The following FBLN2 variants were observed in gnomAD, a reference collection of about 807,000 sequenced individuals.
FBLN2 encodes fibulin 2, also known as fibulin-2.
Under a neutral mutation model 123.7 loss-of-function variants are expected in FBLN2, and 81 were observed. The ratio of observed to expected loss-of-function variants is 0.65; its 90% CI spans 0.55 to 0.79. The LOEUF (loss-of-function observed/expected upper bound fraction) is 0.79, where lower values mean the gene tolerates loss of function less well. FBLN2 is among the 30% of genes least tolerant of loss of function. The probability of loss-of-function intolerance (pLI) is 0.00; values close to 1 mark genes in which losing one functional copy is unlikely to be tolerated. For synonymous variants in FBLN2, 699 were observed against 701.4 expected, an observed-to-expected ratio of 1.00 and a Z score of 0.05; for missense variants, 1,603 against 1,681.3, an observed-to-expected ratio of 0.95 and a Z score of 0.81.
At chr3:13,587,092 C>A (rs1704531205) in intron 2 of FBLN2, among the ~76,000 whole-genome samples, 1 of 149,928 alleles carries the variant, frequency 6.7e-6, no homozygotes, top group Non-Finnish European at 1.5e-5. Context: ...TTGTAGTGAG[C>A]CCAGATTGGG....
chr3:13,617,578 CCCAT>C (rs57191985), intron 5 of FBLN2, among the ~76,000 whole-genome samples: 44,204 of 119,076 alleles, frequency 0.37, 8,558 homozygotes, highest in Non-Finnish European at 0.42. Flanking sequence ...AACCCATCCA[CCCAT>C]CCATCCATCC....
rs764313747 is a variant in FBLN2 at position 13,631,374 on chromosome 3, G to A, written c.3131G>A (p.Arg1044His). ...AQGAGILCTF[R>H]CLNVPGSYQC... ...GGCGCCGGCATCCTCTGCACCTTCC[G>A]CTGTCTCAACGTGCCAGGGAGCTAC... is the stretch of plus-strand genomic sequence containing the variant. Residue 1044 changes from arginine (R) to histidine (H), a missense_variant, in exon 16 of 18, where the codon CGC (arginine) becomes CAC (histidine). Arg to His is a conservative substitution (Grantham distance 29). Transcript: ENST00000404922. 14 of 1,602,756 alleles carry A rather than the reference G, an allele frequency of 8.7e-6. No homozygotes were observed. Among genetic ancestry groups the A allele is most frequent in the South Asian group, 5.6e-5 (5 of 88,758 alleles).
At chr3:13,558,398 G>A (rs1703516705) in intron 1 of FBLN2, among the ~76,000 whole-genome samples, 1 of 151,976 alleles carries the variant, frequency 6.6e-6, no homozygotes, top group South Asian at 2.1e-4. Context: ...CCCAAGTCTA[G>A]GATCTCAGCC....
chr3:13,598,134 G>A (rs1474061118), intron 2 of FBLN2, among the ~76,000 whole-genome samples: 1 of 152,244 alleles, frequency 6.6e-6, no homozygotes, highest in Non-Finnish European at 1.5e-5. Flanking sequence ...TTCTACTGCT[G>A]AAGGGATGGT....
intron 11 of FBLN2, 50 bp from the exon 12 acceptor site, chr3:13,628,855 C>A (rs780534456): frequency 1.1e-5 from 18 of 1,594,958 alleles, no homozygotes; most frequent in Non-Finnish European, 1.5e-5. Flanking sequence ...GGGCTGGGGC[C>A]TGGGAGGACA....
intron 2 of FBLN2, among the ~76,000 whole-genome samples, chr3:13,576,832 C>T (rs1056723672): frequency 6.6e-6 from 1 of 151,986 alleles, no homozygotes; most frequent in African/African-American, 2.4e-5. Flanking sequence ...AGGTATGGTC[C>T]CCACCCTCAC....
At chr3:13,627,727 G>T in intron 10 of FBLN2, 105 bp from the exon 11 acceptor site, 1 of 1,372,840 alleles carries the variant, frequency 7.3e-7, no homozygotes, top group Non-Finnish European at 9.6e-7. Flanking sequence ...GATCTTTGTG[G>T]CCATCAGGGT....
intron 3 of FBLN2, 119 bp downstream of exon 3, chr3:13,608,292 G>A (rs1354073844): frequency 4.3e-6 from 3 of 703,790 alleles, no homozygotes; most frequent in Non-Finnish European, 7.2e-6. Flanking sequence ...TGCCTCTGGG[G>A]CATGAGGGTG....
chr3:13,565,510 C>T (rs1359857122), intron 1 of FBLN2, among the ~76,000 whole-genome samples: 1 of 152,216 alleles, frequency 6.6e-6, no homozygotes, highest in African/African-American at 2.4e-5. Flanking sequence ...CTTGTGATCC[C>T]AGCACTTTGG....
At chr3:13,617,171 C>CATCCATCT (rs1414874801) in intron 5 of FBLN2, among the ~76,000 whole-genome samples, 5,419 of 151,384 alleles carry the variant, frequency 0.036, 366 homozygotes, top group African/African-American at 0.12. Context: ...TCCATCCATC[C>CATCCATCT]ATCCATCTAT....
intron 16 of FBLN2, among the ~76,000 whole-genome samples, chr3:13,634,285 G>C (rs915401600): frequency 3.9e-5 from 6 of 152,264 alleles, no homozygotes; most frequent in Admixed American, 3.9e-4. Context: ...CCCTGGATAC[G>C]GGGCCTAGTC....
chr3:13,571,765 T>C (rs1025453121), intron 2 of FBLN2, 104 bp downstream of exon 2: 3 of 1,338,692 alleles, frequency 2.2e-6, no homozygotes, highest in Non-Finnish European at 3.0e-6. Flanking sequence ...GATGCTGGAC[T>C]GTGGGGCCAG....
At chr3:13,625,629 C>A (rs890517438) in intron 9 of FBLN2, among the ~76,000 whole-genome samples, 1 of 152,082 alleles carries the variant, frequency 6.6e-6, no homozygotes, top group Non-Finnish European at 1.5e-5. Context: ...TCCTGCCTCA[C>A]CTTCATCTCA....
intron 2 of FBLN2, among the ~76,000 whole-genome samples, chr3:13,576,228 A>G (rs555451500): frequency 2.0e-4 from 31 of 152,222 alleles, no homozygotes; most frequent in Non-Finnish European, 4.0e-4. Flanking sequence ...GCCCAAGGCC[A>G]CAGCTATGGG....
chr3:13,631,206 A>T, intron 15 of FBLN2, 123 bp from the exon 16 acceptor site: 2 of 1,236,862 alleles, frequency 1.6e-6, no homozygotes, highest in Non-Finnish European at 2.2e-6. Context: ...CTCTCAGTCC[A>T]CTTGTCTTCA....
intron 2 of FBLN2, among the ~76,000 whole-genome samples, chr3:13,590,591 G>T (rs1338492915): frequency 1.3e-5 from 2 of 152,190 alleles, no homozygotes; most frequent in Non-Finnish European, 2.9e-5. Flanking sequence ...CTCCCAAAAT[G>T]CTGGGATTAC....
chr3:13,624,213 G>A (rs1436530245), intron 9 of FBLN2, among the ~76,000 whole-genome samples: 4 of 152,210 alleles, frequency 2.6e-5, no homozygotes, highest in Admixed American at 6.5e-5. Flanking sequence ...ATGGCTGTCC[G>A]TGTGACTCTG....
intron 1 of FBLN2, among the ~76,000 whole-genome samples, chr3:13,564,134 T>C (rs745700792): frequency 1.3e-5 from 2 of 152,144 alleles, no homozygotes; most frequent in Admixed American, 1.3e-4. Flanking sequence ...TAAAGCACCA[T>C]GTGGGCCCCA....
intron 2 of FBLN2, among the ~76,000 whole-genome samples, chr3:13,603,309 A>G (rs1705099358): frequency 6.6e-6 from 1 of 150,940 alleles, no homozygotes; most frequent in African/African-American, 2.4e-5. Context: ...ACATATGTAT[A>G]CATGTGCCAT....
Sources: allele counts gnomAD v4.1 joint callset (sites outside exome capture counted in the v4.1 genomes callset), GRCh38; gene constraint gnomAD v4.1.1; transcripts MANE v1.5; gene names NCBI Gene and HGNC (gene_info 2026-07-23, HGNC 2026-07-21).